Variants in RHOU observed in about 807,000 individuals in gnomAD.
The protein encoded by RHOU is rho-related GTP-binding protein RhoU.
In RHOU, 8 loss-of-function variants were observed where a neutral mutation model predicts 12.6. The observed-to-expected ratio is 0.64, with a 90% CI of 0.37 to 1.15. RHOU has a LOEUF of 1.15. RHOU is among the 50% of genes most tolerant of loss of function. RHOU has a pLI of 0.01. For synonymous variants in RHOU, 161 were observed against 147.4 expected (o/e 1.09, Z -0.67); for missense variants, 258 against 347.0 (o/e 0.74, Z 2.04).
the RHOU span, among the ~76,000 whole-genome samples, chr1:228,646,982 C>G: frequency 6.6e-6 from 1 of 151,826 alleles, no homozygotes; most frequent in Non-Finnish European, 1.5e-5. Context: ...TACAGAGGTA[C>G]AGAGGGAAGG....
At chr1:228,681,832 T>C in the RHOU span, among the ~76,000 whole-genome samples, 3 of 151,918 alleles carry the variant, frequency 2.0e-5, no homozygotes, top group Non-Finnish European at 4.4e-5. Context: ...GAGGCAAGTT[T>C]AAAGAGAAGG....
At chr1:228,736,997 G>A (rs1285170498) in intron 1 of RHOU, among the ~76,000 whole-genome samples, 1 of 141,226 alleles carries the variant, frequency 7.1e-6, no homozygotes, top group Non-Finnish European at 1.5e-5. Context: ...AGAAAGTTGT[G>A]TAGAAAGAGA....
the RHOU span, among the ~76,000 whole-genome samples, chr1:228,702,181 C>T: frequency 1.3e-5 from 2 of 152,036 alleles, no homozygotes; most frequent in Non-Finnish European, 2.9e-5. Context: ...TTATCTGGTA[C>T]TTAATTTAAA....
At chr1:228,714,740 CTT>C in the RHOU span, among the ~76,000 whole-genome samples, 2 of 83,686 alleles carry the variant, frequency 2.4e-5, no homozygotes, top group Admixed American at 1.5e-4. Context: ...TGTTAATTAT[CTT>C]TTTTTTTTTT....
At chr1:228,683,630 C>A in the RHOU span, among the ~76,000 whole-genome samples, 1 of 152,174 alleles carries the variant, frequency 6.6e-6, no homozygotes, top group South Asian at 2.1e-4. Context: ...TTGCTGACAG[C>A]ATAATTTAAA....
At chr1:228,670,473 T>G in the RHOU span, among the ~76,000 whole-genome samples, 1 of 152,042 alleles carries the variant, frequency 6.6e-6, no homozygotes, top group Non-Finnish European at 1.5e-5. Flanking sequence ...AACTGAAGAG[T>G]GAACACCATC....
Position 228,739,826 on chromosome 1 carries a change from C to T in RHOU, c.321+2095C>T, listed in dbSNP as rs149195840. ...GCTTCTTGAGCTGGGGTTTCATGCC[C>T]AGTGCCCAGCATAGTGCCTGGCACA... On this transcript the variant is annotated intron_variant, in intron 2 of 2. Transcript: ENST00000366691. Among the ~76,000 whole-genome samples the T allele has an allele frequency of 4.7e-3, 710 of 152,342 alleles. 4 individuals are homozygous for T. Among genetic ancestry groups the T allele is most frequent in the Non-Finnish European group, 7.2e-3 (490 of 68,036 alleles).
the RHOU span, among the ~76,000 whole-genome samples, chr1:228,704,286 G>C: frequency 6.6e-6 from 1 of 151,958 alleles, no homozygotes; most frequent in Non-Finnish European, 1.5e-5. Context: ...CAACCACCTT[G>C]GGCACATGTC....
At chr1:228,696,909 A>C in the RHOU span, among the ~76,000 whole-genome samples, 1 of 152,160 alleles carries the variant, frequency 6.6e-6, no homozygotes, top group Non-Finnish European at 1.5e-5. Flanking sequence ...TATTGATGAG[A>C]TTAATAAGTA....
At chr1:228,653,123 C>G in the RHOU span, among the ~76,000 whole-genome samples, 2 of 152,152 alleles carry the variant, frequency 1.3e-5, no homozygotes, top group African/African-American at 2.4e-5. Flanking sequence ...TAAAGTCTGT[C>G]TTGATTTGGC....
intron 1 of RHOU, among the ~76,000 whole-genome samples, chr1:228,736,833 TA>T (rs60203629): frequency 3.3e-5 from 5 of 151,710 alleles, no homozygotes; most frequent in Non-Finnish European, 5.9e-5. Flanking sequence ...CTTGCTTCTT[TA>T]AAAAAAAATT....
At chr1:228,735,452 C>G, upstream of RHOU, 1 of 214,320 alleles carries the variant, frequency 4.7e-6, no homozygotes, top group Non-Finnish European at 9.2e-6. The surrounding 1 kb of genome is among the most constrained non-coding windows in gnomAD (Gnocchi z 8.1). Context: ...CCCCACGCGT[C>G]GTGTCGCCGG....
the RHOU span, among the ~76,000 whole-genome samples, chr1:228,720,690 T>A: frequency 6.6e-6 from 1 of 152,182 alleles, no homozygotes; most frequent in African/African-American, 2.4e-5. Flanking sequence ...AAAATAAATT[T>A]CTGTGGTTTA....
the RHOU span, chr1:228,687,312 TAC>T: frequency 1.5e-6 from 1 of 670,042 alleles, no homozygotes. Flanking sequence ...TTTTTTTGGT[TAC>T]CAAATTTCTT....
chr1:228,685,142 G>A, the RHOU span, among the ~76,000 whole-genome samples: 1 of 152,196 alleles, frequency 6.6e-6, no homozygotes, highest in Non-Finnish European at 1.5e-5. Context: ...GTAGCAGTGA[G>A]GATGACCAGA....
At chr1:228,681,382 G>A in the RHOU span, among the ~76,000 whole-genome samples, 1 of 152,110 alleles carries the variant, frequency 6.6e-6, no homozygotes, top group East Asian at 1.9e-4. Flanking sequence ...GCGAGCTGAG[G>A]AGGAGCAGTC....
chr1:228,697,253 C>G, the RHOU span, among the ~76,000 whole-genome samples: 1 of 152,180 alleles, frequency 6.6e-6, no homozygotes, highest in Non-Finnish European at 1.5e-5. Flanking sequence ...TCAGAGCTCC[C>G]CCAGGAATGG....
intron 2 of RHOU, among the ~76,000 whole-genome samples, chr1:228,739,697 C>T (rs943731035): frequency 5.3e-5 from 8 of 152,322 alleles, no homozygotes; most frequent in South Asian, 2.1e-4. Context: ...GGGAGCCTTA[C>T]GGGCTGGAGC....
chr1:228,675,021 G>A, the RHOU span, among the ~76,000 whole-genome samples: 1 of 151,914 alleles, frequency 6.6e-6, no homozygotes, highest in African/African-American at 2.4e-5. Context: ...GAGCCACCGT[G>A]CCTGGCCTCC....
Sources: gnomAD v4.1 joint callset for allele counts (sites outside exome capture counted in the v4.1 genomes callset) on GRCh38, gnomAD v4.1.1 for gene constraint, Gnocchi (gnomAD v3.1) non-coding constraint, MANE v1.5 for transcripts, NCBI Gene and HGNC (gene_info 2026-07-23, HGNC 2026-07-21) for gene names.